Variants in SPTBN1 observed in about 807,000 individuals in gnomAD.
The protein encoded by SPTBN1 is spectrin beta, non-erythrocytic 1.
A neutral mutation model predicts 266.4 loss-of-function variants in SPTBN1; 32 were observed. The observed-to-expected ratio is 0.12, with a 90% confidence interval of 0.09 to 0.16. The LOEUF (loss-of-function observed/expected upper bound fraction) is 0.16, where lower values mean the gene tolerates loss of function less well. SPTBN1 is among the 10% of genes least tolerant of loss of function. The pLI, the probability that SPTBN1 is intolerant of heterozygous loss-of-function variation, is 1.00. For synonymous variants in SPTBN1, 1,336 were observed against 1,162.2 expected (o/e 1.15, Z -3.04); for missense variants, 2,296 against 3,067.1 (o/e 0.75, Z 5.94).
At chr2:54,627,104 C>G (rs1441565158) in intron 12 of SPTBN1, among the ~76,000 whole-genome samples, 3 of 152,042 alleles carry the variant, frequency 2.0e-5, no homozygotes, top group Non-Finnish European at 4.4e-5. Context: ...AGATTCCCTT[C>G]CCAGGATATA....
At chr2:54,497,952 A>G (rs992579517) in intron 1 of SPTBN1, among the ~76,000 whole-genome samples, 27 of 152,198 alleles carry the variant, frequency 1.8e-4, no homozygotes, top group African/African-American at 3.4e-4. Flanking sequence ...GGAGAAGAGT[A>G]GAGAATAACA....
intron 2 of SPTBN1, among the ~76,000 whole-genome samples, chr2:54,549,427 C>G (rs1476801014): frequency 6.6e-6 from 1 of 152,032 alleles, no homozygotes; most frequent in Non-Finnish European, 1.5e-5. Flanking sequence ...ATGTATATAC[C>G]AATTTTCAGA....
At chr2:54,465,625 T>G (rs1693585949) in intron 1 of SPTBN1, among the ~76,000 whole-genome samples, 1 of 122,014 alleles carries the variant, frequency 8.2e-6, no homozygotes, top group Non-Finnish European at 1.7e-5. Context: ...GATGCATACA[T>G]ATCATGTTTA....
intron 1 of SPTBN1, among the ~76,000 whole-genome samples, chr2:54,480,107 A>G (rs549342456): frequency 3.4e-4 from 51 of 152,200 alleles, no homozygotes; most frequent in Non-Finnish European, 6.2e-4. Context: ...AGCTACGTGT[A>G]TATGTGGCAC....
chr2:54,638,917 A>G (rs913246597), intron 18 of SPTBN1, among the ~76,000 whole-genome samples: 1 of 152,270 alleles, frequency 6.6e-6, no homozygotes, highest in Non-Finnish European at 1.5e-5. Context: ...CACGTATGAC[A>G]GAAGCAATCC....
At position 54,551,318 on chromosome 2, in the gene SPTBN1, T is replaced by G. The variant is rs372694958; in HGVS notation, c.148+24752T>G. On this transcript the variant is annotated intron_variant, in intron 2 of 35. Coordinates refer to ENST00000356805, the MANE Select transcript of SPTBN1 (RefSeq NM_003128.3). ...CTGCATTCCTCAGATGTTCTTTTCC[T>G]TTTAACCACTCTACCTGCAACAGAG... 1.2e-3 allele frequency among the ~76,000 whole-genome samples: 180 copies of G among 152,358 alleles called. 4 individuals carry two copies. In the South Asian group the frequency reaches 0.034, roughly 29 times the overall value.
chr2:54,655,184 G>C lies in SPTBN1; in HGVS notation c.5937G>C (p.Ala1979=). 1.9e-6 allele frequency: 3 copies of C among 1,614,118 alleles called. No homozygotes were observed. The highest frequency in any genetic ancestry group is 2.5e-6 in the Non-Finnish European group (3 of 1,180,012). The change falls in exon 28 of 36, where the codon GCG becomes GCC. Residue 1979 remains alanine (A), a synonymous_variant. Coordinates refer to ENST00000356805, the MANE Select transcript of SPTBN1 (RefSeq NM_003128.3). ...TTGAACTTGGGAAATCCCTGTTGGC[G>C]AGAAAACACTATGCATCTGAGGAGG... ...TCIELGKSLL[A]RKHYASEEIK... is the part of the protein sequence containing the mutation.
Position 54,664,432 on chromosome 2 carries a change from T to C in SPTBN1, c.6421-21T>C, listed in dbSNP as rs1358006392. On this transcript the variant is annotated intron_variant, in intron 32 of 35. Transcript: ENST00000356805. The surrounding 1 kb of genome is among the most constrained non-coding windows in gnomAD (Gnocchi z 5.6). ...CCCATGGCTCACGGAGTTAGCTGAATGGCCTCTCCGCTGTCCCTAGATGGC... is the reference window on the plus strand; with the variant it reads ...CCCATGGCTCACGGAGTTAGCTGAACGGCCTCTCCGCTGTCCCTAGATGGC... The C allele has an allele frequency of 3.1e-6, 5 of 1,601,722 alleles. No homozygotes were observed. The highest frequency in any genetic ancestry group is 1.7e-5 in the Admixed American group (1 of 59,690).
chr2:54,629,294 T>C lies in SPTBN1; in HGVS notation c.2160T>C (p.Ile720=). 6.2e-7 allele frequency: 1 copy of C among 1,613,938 alleles called. No homozygotes were observed. Residue 720 remains isoleucine (I), a synonymous_variant, in exon 14 of 36, where the codon ATT becomes ATC. Coordinates refer to ENST00000356805, the MANE Select transcript of SPTBN1 (RefSeq NM_003128.3). ...FGSEKIRERI[I]YIREQWANLE... is the part of the protein sequence containing the mutation. Reference sequence around the variant, plus strand: ...CGGAGAAGATCCGTGAGAGGATCATTTACATCCGGGAGCAGTGGGCCAACC... The same window carrying C: ...CGGAGAAGATCCGTGAGAGGATCATCTACATCCGGGAGCAGTGGGCCAACC...
chr2:54,538,408 G>T (rs1186451864), intron 2 of SPTBN1, among the ~76,000 whole-genome samples: 4 of 152,152 alleles, frequency 2.6e-5, no homozygotes, highest in Admixed American at 1.3e-4. Context: ...GCAGTACAGT[G>T]ATATAAGTAC....
intron 29 of SPTBN1, 145 bp from the exon 30 acceptor site, chr2:54,657,705 A>C: frequency 1.1e-6 from 1 of 921,140 alleles, no homozygotes. Flanking sequence ...CATTACATTT[A>C]CATTGGACAG....
intron 18 of SPTBN1, among the ~76,000 whole-genome samples, chr2:54,640,925 T>C (rs567320664): frequency 5.2e-4 from 79 of 152,362 alleles, no homozygotes; most frequent in African/African-American, 1.8e-3. Context: ...GTGTTGTATG[T>C]CCTCACATTA....
In SPTBN1 at chr2:54,558,939, TGGA is replaced by T. The variant is rs764059320; in HGVS notation, c.148+32376_148+32378del. 1 of 1,586,154 alleles carries T rather than the reference TGGA, an allele frequency of 6.3e-7. No individual in the cohort carries two copies. The highest frequency in any genetic ancestry group is 8.6e-7 in the Non-Finnish European group (1 of 1,163,726). Reference sequence around the variant, plus strand: ...TGTCCTGGGTGCCAACGGGGGTTCTTGGAGGCTTTATTTGTGACCCTAATGAAG... The same window carrying T: ...TGTCCTGGGTGCCAACGGGGGTTCTTGGCTTTATTTGTGACCCTAATGAAG... On this transcript the variant is annotated intron_variant, in intron 2 of 35. Transcript: ENST00000356805. This position sits in a 1 kb window ranked among gnomAD's most constrained non-coding sequence, Gnocchi z 4.6.
At chr2:54,563,778 ATTT>A (rs1673487475) in intron 2 of SPTBN1, among the ~76,000 whole-genome samples, 1 of 151,514 alleles carries the variant, frequency 6.6e-6, no homozygotes, top group Non-Finnish European at 1.5e-5. Flanking sequence ...TAATTTTTGC[ATTT>A]TTAGTAGAGA....
intron 1 of SPTBN1, among the ~76,000 whole-genome samples, chr2:54,457,850 C>T (rs914473608): frequency 7.9e-5 from 12 of 152,204 alleles, no homozygotes; most frequent in Non-Finnish European, 1.6e-4. Flanking sequence ...CCCTCCTGCA[C>T]CTCTTCTTGG....
intron 2 of SPTBN1, among the ~76,000 whole-genome samples, chr2:54,585,705 T>A (rs1406790361): frequency 6.6e-6 from 1 of 152,220 alleles, no homozygotes; most frequent in Non-Finnish European, 1.5e-5. Flanking sequence ...ACTCCTTACA[T>A]TTTTAAAGAG....
chr2:54,577,747 G>A (rs1313853150), intron 2 of SPTBN1, among the ~76,000 whole-genome samples: 1 of 152,210 alleles, frequency 6.6e-6, no homozygotes, highest in Non-Finnish European at 1.5e-5. Context: ...AACCCACGCA[G>A]TGCGCTTTGG....
chr2:54,511,392 A>G (rs2104216267), intron 1 of SPTBN1, among the ~76,000 whole-genome samples: 1 of 152,110 alleles, frequency 6.6e-6, no homozygotes, highest in African/African-American at 2.4e-5. Context: ...TTTTCTTCGG[A>G]TTGATCAGGT....
At chr2:54,537,652 A>G (rs1456638883) in intron 2 of SPTBN1, among the ~76,000 whole-genome samples, 1 of 152,324 alleles carries the variant, frequency 6.6e-6, no homozygotes, top group Non-Finnish European at 1.5e-5. Flanking sequence ...AATCTGAAGA[A>G]AGGGTGAAGG....
Sources: allele counts gnomAD v4.1 joint callset (sites outside exome capture counted in the v4.1 genomes callset), GRCh38; gene constraint gnomAD v4.1.1; non-coding constraint Gnocchi (gnomAD v3.1); transcripts MANE v1.5; gene names NCBI Gene and HGNC (gene_info 2026-07-23, HGNC 2026-07-21).